KIF13B: variants seen among roughly 807,000 people sequenced by gnomAD.
The protein encoded by KIF13B is kinesin-like protein KIF13B.
A neutral mutation model predicts 222.0 loss-of-function variants in KIF13B; 127 were observed. The ratio of observed to expected loss-of-function variants is 0.57; its 90% CI spans 0.50 to 0.66. The LOEUF (loss-of-function observed/expected upper bound fraction) is 0.66. Ranked by LOEUF, KIF13B falls within the 30% of genes least tolerant of loss-of-function variation. The pLI is 0.00. For synonymous variants in KIF13B, 976 were observed against 919.0 expected (o/e 1.06, Z -1.12); for missense variants, 2,173 against 2,379.0 (o/e 0.91, Z 1.80).
intron 37 of KIF13B, among the ~76,000 whole-genome samples, chr8:29,080,875 CATG>C (rs1231197867): frequency 6.6e-6 from 1 of 152,220 alleles, no homozygotes; most frequent in African/African-American, 2.4e-5. Context: ...TTCTGACCCA[CATG>C]ATAATCCCTG....
At chr8:29,084,331 A>G (rs898745378) in intron 37 of KIF13B, among the ~76,000 whole-genome samples, 4 of 152,270 alleles carry the variant, frequency 2.6e-5, no homozygotes, top group Non-Finnish European at 5.9e-5. Context: ...CCTTGTGTAC[A>G]AGGCAAGAAT....
At chr8:29,167,724 T>A in intron 10 of KIF13B, 139 bp from the exon 11 acceptor site, 3 of 672,990 alleles carry the variant, frequency 4.5e-6, no homozygotes, top group Non-Finnish European at 7.8e-6. Context: ...AAAATGCAGG[T>A]GTATGGACTC....
chr8:29,167,064 C>T (rs1440257258), intron 11 of KIF13B, among the ~76,000 whole-genome samples: 1 of 152,172 alleles, frequency 6.6e-6, no homozygotes, highest in Admixed American at 6.5e-5. Context: ...TACACATGGT[C>T]TCCAGCATCT....
Position 29,186,372 on chromosome 8 carries a change from A to C in KIF13B, c.417T>G (p.Asn139Lys). ...CTTCTACTTTAAAACTCTGTTCTTC[A>C]TTTTCCTCTTTCTGAGTTCGTTCAA... is the stretch of plus-strand genomic sequence containing the variant. ...GLFERTQKEE[N>K]EEQSFKVEVS... The change falls in exon 6 of 40, where the codon AAT (asparagine) becomes AAG (lysine). Residue 139 changes from asparagine (N) to lysine (K), a missense_variant. Around this residue, in one of 2 missense-constraint regions of KIF13B, gnomAD observed 1,480 missense variants for 1,722.8 expected, o/e 0.86. Coordinates refer to ENST00000524189, the MANE Select transcript of KIF13B (RefSeq NM_015254.4). 6.2e-7 allele frequency: 1 copy of C among 1,613,746 alleles called. No homozygotes were observed. The highest frequency in any genetic ancestry group is 1.1e-5 in the South Asian group (1 of 91,078).
chr8:29,132,028 C>T (rs1203595499), intron 23 of KIF13B, among the ~76,000 whole-genome samples: 1 of 152,170 alleles, frequency 6.6e-6, no homozygotes, highest in Non-Finnish European at 1.5e-5. Context: ...GGGCAGATCA[C>T]TTGAGGTCAG....
At chr8:29,254,114 G>C (rs766146640) in intron 1 of KIF13B, among the ~76,000 whole-genome samples, 5 of 152,092 alleles carry the variant, frequency 3.3e-5, no homozygotes, top group Non-Finnish European at 7.4e-5. Flanking sequence ...TTCATCAAAT[G>C]GTTCTAGAAC....
intron 35 of KIF13B, 76 bp from the exon 36 acceptor site, chr8:29,099,317 GA>G (rs1445527421): frequency 1.7e-5 from 16 of 943,650 alleles, no homozygotes; most frequent in Non-Finnish European, 2.6e-5. Context: ...AGATACTCAA[GA>G]AAAAAAACTG....
intron 37 of KIF13B, among the ~76,000 whole-genome samples, chr8:29,085,317 G>A (rs1468624398): frequency 6.6e-6 from 1 of 152,124 alleles, no homozygotes; most frequent in Non-Finnish European, 1.5e-5. Context: ...AAAATGTGAA[G>A]GACACTCTAA....
intron 30 of KIF13B, among the ~76,000 whole-genome samples, chr8:29,117,240 TA>T (rs1004960740): frequency 6.6e-6 from 1 of 152,078 alleles, no homozygotes; most frequent in African/African-American, 2.4e-5. Context: ...AAATTTGTAT[TA>T]AAAAATGCTC....
At chr8:29,247,833 C>CA (rs57720312) in intron 1 of KIF13B, among the ~76,000 whole-genome samples, 859 of 53,720 alleles carry the variant, frequency 0.016, 9 homozygotes, top group Non-Finnish European at 0.021. Flanking sequence ...GACCCTGTCT[C>CA]AAAAAAAAAA....
intron 6 of KIF13B, among the ~76,000 whole-genome samples, chr8:29,186,081 G>A (rs1812912728): frequency 6.6e-6 from 1 of 152,048 alleles, no homozygotes; most frequent in Admixed American, 6.6e-5. Flanking sequence ...AATTCCACCT[G>A]AAATTTCTTG....
At chr8:29,203,966 T>C (rs558237619) in intron 2 of KIF13B, among the ~76,000 whole-genome samples, 5 of 151,236 alleles carry the variant, frequency 3.3e-5, no homozygotes, top group African/African-American at 1.2e-4. Context: ...TGGTGCCAAT[T>C]ACCCCAGAAG....
intron 10 of KIF13B, among the ~76,000 whole-genome samples, chr8:29,171,291 T>C (rs1042963711): frequency 1.3e-5 from 2 of 152,194 alleles, no homozygotes; most frequent in Non-Finnish European, 2.9e-5. Context: ...CATTTAATGG[T>C]TGTTCCATCC....
At chr8:29,073,602 G>A (rs1807417452) in intron 38 of KIF13B, among the ~76,000 whole-genome samples, 1 of 152,148 alleles carries the variant, frequency 6.6e-6, no homozygotes, top group African/African-American at 2.4e-5. Context: ...TATGTTTTCC[G>A]ATATTTATGG....
chr8:29,110,383 A>G (rs749905026), intron 32 of KIF13B, among the ~76,000 whole-genome samples: 1 of 152,192 alleles, frequency 6.6e-6, no homozygotes, highest in Non-Finnish European at 1.5e-5. Context: ...CAGAAATGTA[A>G]CCACCGTAAA....
intron 12 of KIF13B, among the ~76,000 whole-genome samples, chr8:29,162,730 A>G (rs947199943): frequency 3.9e-5 from 6 of 152,252 alleles, no homozygotes; most frequent in Admixed American, 2.6e-4. Context: ...ACCAAAAACT[A>G]AAGTTTTAAA....
intron 13 of KIF13B, among the ~76,000 whole-genome samples, chr8:29,158,522 G>T (rs936181987): frequency 6.6e-6 from 1 of 152,202 alleles, no homozygotes; most frequent in African/African-American, 2.4e-5. Context: ...CTTTGGAGAT[G>T]TTTTAATCCA....
At chr8:29,156,985 CCAGT>C (rs1042983709) in intron 13 of KIF13B, among the ~76,000 whole-genome samples, 1 of 152,164 alleles carries the variant, frequency 6.6e-6, no homozygotes, top group African/African-American at 2.4e-5. Context: ...ACTACCACCA[CCAGT>C]CAGTCAACTG....
At chr8:29,214,176 C>T (rs370233927) in intron 2 of KIF13B, among the ~76,000 whole-genome samples, 6 of 152,108 alleles carry the variant, frequency 3.9e-5, no homozygotes, top group African/African-American at 7.2e-5. Context: ...ACTTAGGCTA[C>T]GCTAAATTTA....
Sources: allele counts gnomAD v4.1 joint callset (sites outside exome capture counted in the v4.1 genomes callset), GRCh38; gene constraint gnomAD v4.1.1; regional missense constraint gnomAD v4.1.1; transcripts MANE v1.5; gene names NCBI Gene and HGNC (gene_info 2026-07-23, HGNC 2026-07-21).